Variants in IL1RAPL1 observed in about 807,000 individuals in gnomAD.
IL1RAPL1 encodes interleukin 1 receptor accessory protein like 1.
A neutral mutation model predicts 48.4 loss-of-function variants in IL1RAPL1; 3 were observed. The observed-to-expected ratio is 0.06, with a 90% CI of 0.03 to 0.16. The LOEUF is 0.16. Ranked by LOEUF, IL1RAPL1 falls within the 10% of genes least tolerant of loss-of-function variation. The pLI is 1.00. For missense variants in IL1RAPL1, 349 were observed against 530.6 expected, an observed-to-expected ratio of 0.66 and a Z score of 3.36; for synonymous variants, 185 against 187.7, an observed-to-expected ratio of 0.99 and a Z score of 0.12.
intron 6 of IL1RAPL1, among the ~76,000 whole-genome samples, chrX:29,818,582 T>G (rs1417791512): frequency 8.9e-6 from 1 of 112,143 alleles, no homozygotes; most frequent in African/African-American, 3.2e-5. Context: ...GCACGATATC[T>G]TTCTTGAAAT....
chrX:29,110,643 G>A (rs758828753), intron 2 of IL1RAPL1, among the ~76,000 whole-genome samples: 5 of 111,786 alleles, frequency 4.5e-5, no homozygotes, highest in East Asian at 2.8e-4. Flanking sequence ...GGAGCTTCAC[G>A]TACTTCAAAA....
chrX:29,158,458 C>A, intron 2 of IL1RAPL1, among the ~76,000 whole-genome samples: 1 of 111,631 alleles, frequency 9.0e-6, no homozygotes, highest in South Asian at 3.8e-4. Flanking sequence ...ACTGCAACCT[C>A]TGCCTACCGG....
intron 2 of IL1RAPL1, among the ~76,000 whole-genome samples, chrX:28,819,376 A>G (rs1936904712): frequency 9.0e-6 from 1 of 111,190 alleles, no homozygotes; most frequent in Admixed American, 9.6e-5. Flanking sequence ...CTTATTAACA[A>G]TTTCTTCATT....
At chrX:29,298,229 A>C (rs1932477826) in intron 3 of IL1RAPL1, among the ~76,000 whole-genome samples, 1 of 112,152 alleles carries the variant, frequency 8.9e-6, no homozygotes, top group African/African-American at 3.2e-5. Flanking sequence ...CTAGAATAGA[A>C]CATGTCTCTT....
chrX:29,956,001 G>A lies in IL1RAPL1; in HGVS notation c.*181G>A, dbSNP rs1163143343. 13 of 450,985 alleles carry A rather than the reference G, an allele frequency of 2.9e-5. No homozygotes were observed. Among genetic ancestry groups the A allele is most frequent in the Middle Eastern group, 6.0e-4 (1 of 1,666 alleles). The allele number at this position is 450,985 out of a possible 1,213,427, so 37.2% of individuals were successfully genotyped here. A position where few individuals can be genotyped will look rare whatever the true frequency, so the allele number is the denominator to read the frequency against. Reference sequence around the variant, plus strand: ...TTCTTTGTAGCATCAGTGTCCTCCTGTTTTACCATGTCTTTTACCATTACA... The same window carrying A: ...TTCTTTGTAGCATCAGTGTCCTCCTATTTTACCATGTCTTTTACCATTACA... On this transcript the variant is annotated 3_prime_UTR_variant, in exon 11 of 11. Transcript: ENST00000378993.
intron 1 of IL1RAPL1, among the ~76,000 whole-genome samples, chrX:28,594,436 A>C (rs1340089403): frequency 1.8e-5 from 2 of 112,360 alleles, no homozygotes; most frequent in Non-Finnish European, 3.8e-5. Context: ...AAAATGAATT[A>C]TTATAAAAGC....
chrX:29,269,227 G>A (rs1332575978), intron 2 of IL1RAPL1, among the ~76,000 whole-genome samples: 1 of 111,808 alleles, frequency 8.9e-6, no homozygotes, highest in Non-Finnish European at 1.9e-5. Context: ...GAGTTTAATC[G>A]TTGTTAATAT....
chrX:29,581,284 CTG>C (rs1219822192), intron 5 of IL1RAPL1, among the ~76,000 whole-genome samples: 4 of 112,464 alleles, frequency 3.6e-5, no homozygotes, highest in African/African-American at 1.3e-4. Context: ...GCTATTAACA[CTG>C]AAAGTGATTT....
intron 5 of IL1RAPL1, among the ~76,000 whole-genome samples, chrX:29,655,311 A>C (rs931385196): frequency 3.6e-5 from 4 of 112,162 alleles, no homozygotes; most frequent in Non-Finnish European, 7.5e-5. Flanking sequence ...AGCATTGCTC[A>C]TAATCAGGAA....
intron 3 of IL1RAPL1, among the ~76,000 whole-genome samples, chrX:29,296,194 C>T (rs1932447381): frequency 9.0e-6 from 1 of 111,523 alleles, no homozygotes; most frequent in Non-Finnish European, 1.9e-5. Flanking sequence ...CTGGACATCG[C>T]AAGTATCTCT....
chrX:28,959,721 A>G (rs1924716940), intron 2 of IL1RAPL1, among the ~76,000 whole-genome samples: 1 of 111,583 alleles, frequency 9.0e-6, no homozygotes, highest in Admixed American at 9.5e-5. Context: ...ATATTTGGAA[A>G]TTTTCTTTTA....
chrX:29,885,424 G>C (rs151225682), intron 6 of IL1RAPL1, among the ~76,000 whole-genome samples: 2,928 of 111,663 alleles, frequency 0.026, 101 homozygotes, highest in African/African-American at 0.089. Context: ...CCATGGGGGC[G>C]GAAAGTTTTG....
intron 2 of IL1RAPL1, among the ~76,000 whole-genome samples, chrX:28,885,689 G>A (rs781442824): frequency 9.0e-6 from 1 of 110,989 alleles, no homozygotes; most frequent in East Asian, 2.8e-4. Flanking sequence ...TACCCCTGAG[G>A]GCAATTGTTT....
intron 3 of IL1RAPL1, among the ~76,000 whole-genome samples, chrX:29,285,854 C>T (rs150743216): frequency 1.2e-3 from 130 of 111,460 alleles, no homozygotes; most frequent in African/African-American, 3.9e-3. Flanking sequence ...TGAAATAGCA[C>T]GGCTTGGTGT....
At chrX:29,237,259 G>A (rs1273122323) in intron 2 of IL1RAPL1, among the ~76,000 whole-genome samples, 5 of 111,820 alleles carry the variant, frequency 4.5e-5, no homozygotes, top group Non-Finnish European at 7.5e-5. Context: ...TGCCAATCTT[G>A]CAAGTACTCA....
At position 29,955,610 on chromosome X, in the gene IL1RAPL1, C is replaced by T. The variant is rs1356159116; in HGVS notation, c.1881C>T (p.Ser627=). Residue 627 remains serine (S), a synonymous_variant, in exon 11 of 11, where the codon AGC becomes AGT. Coordinates refer to ENST00000378993, the MANE Select transcript of IL1RAPL1 (RefSeq NM_014271.4). ...SQMRQKHYYR[S]YEYDVPPTGT... ...TGCGTCAGAAACACTACTACCGAAG[C>T]TATGAGTACGACGTACCTCCTACCG... The T allele has an allele frequency of 3.4e-5, 41 of 1,205,972 alleles. No homozygotes were observed. Among genetic ancestry groups the T allele is most frequent in the Non-Finnish European group, 4.5e-5 (40 of 892,731 alleles).
intron 6 of IL1RAPL1, among the ~76,000 whole-genome samples, chrX:29,872,696 C>CT (rs1336037396): frequency 9.0e-6 from 1 of 111,713 alleles, no homozygotes; most frequent in Non-Finnish European, 1.9e-5. Flanking sequence ...ACAATCTCTT[C>CT]TTTTTGCCTC....
At chrX:29,686,906 A>G (rs764858947) in intron 6 of IL1RAPL1, among the ~76,000 whole-genome samples, 2 of 110,133 alleles carry the variant, frequency 1.8e-5, no homozygotes, top group Non-Finnish European at 3.8e-5. Context: ...AAGGTCTGCA[A>G]ATTTTGAAAA....
rs113473047 is a variant in IL1RAPL1 at position 29,240,195 on chromosome X, C to T, written c.83-42743C>T. Among the ~76,000 whole-genome samples the T allele has an allele frequency of 4.5e-3, 122 of 27,225 alleles. 6 individuals are homozygous for T. Among genetic ancestry groups the T allele is most frequent in the African/African-American group, 0.017 (80 of 4,820 alleles). The allele number at this position is 27,225 out of a possible 115,157, so 23.6% of individuals were successfully genotyped here. A position where few individuals can be genotyped will look rare whatever the true frequency, so the allele number is the denominator to read the frequency against. On this transcript the variant is annotated intron_variant, in intron 2 of 10. Transcript: ENST00000378993. ...AGTAGTATATAGGTACACACACACACATATATATATATATATATATATATA... is the reference window on the plus strand; with the variant it reads ...AGTAGTATATAGGTACACACACACATATATATATATATATATATATATATA...
Sources: allele counts gnomAD v4.1 joint callset (sites outside exome capture counted in the v4.1 genomes callset), GRCh38; gene constraint gnomAD v4.1.1; transcripts MANE v1.5; gene names NCBI Gene and HGNC (gene_info 2026-07-23, HGNC 2026-07-21).